Variants in CENPU observed in about 807,000 individuals in gnomAD.
CENPU encodes centromere protein U, also known as KSHV latent nuclear antigen interacting protein 1.
CENPU carries 46 observed loss-of-function variants against 56.7 expected under a neutral mutation model. That is an observed-to-expected ratio of 0.81 (90% CI 0.64 to 1.04). CENPU has a LOEUF of 1.04. Among genes scored for constraint, CENPU ranks in the 50% least tolerant of loss-of-function variants. The probability of loss-of-function intolerance (pLI) is 0.00; values close to 1 mark genes in which losing one functional copy is unlikely to be tolerated. For missense variants in CENPU, 510 were observed against 490.1 expected (o/e 1.04, Z -0.38); for synonymous variants, 166 against 163.0 (o/e 1.02, Z -0.14).
chr4:184,727,191 A>G (rs1761486903), intron 3 of CENPU, among the ~76,000 whole-genome samples: 1 of 152,180 alleles, frequency 6.6e-6, no homozygotes, highest in Non-Finnish European at 1.5e-5. Context: ...TAAATGAAAT[A>G]AGCCAGTTAC....
chr4:184,715,945 T>G (rs1183114932), intron 6 of CENPU, among the ~76,000 whole-genome samples: 1 of 151,872 alleles, frequency 6.6e-6, no homozygotes, highest in Non-Finnish European at 1.5e-5. Context: ...TTGTTTTTTT[T>G]TTTTTAAGAC....
At chr4:184,702,229 T>C (rs1482680921) in intron 9 of CENPU, 93 bp from the exon 10 acceptor site, 3 of 1,256,288 alleles carry the variant, frequency 2.4e-6, no homozygotes, top group African/African-American at 1.5e-5. Flanking sequence ...AAAACAGTTA[T>C]GTGGAATATG....
chr4:184,696,845 C>T (rs28416641), intron 12 of CENPU, among the ~76,000 whole-genome samples: 26,952 of 151,184 alleles, frequency 0.18, 2,707 homozygotes, highest in African/African-American at 0.26. Flanking sequence ...AAACAATAAA[C>T]TTGTTTTCCC....
chr4:184,702,357 G>T lies in CENPU; in HGVS notation c.876+6C>A. 6.2e-7 allele frequency: 1 copy of T among 1,610,790 alleles called. No homozygotes were observed. The highest frequency in any genetic ancestry group is 1.1e-5 in the South Asian group (1 of 90,146). On this transcript the variant is annotated splice_donor_region_variant and intron_variant, in intron 9 of 12. Coordinates refer to ENST00000281453, the MANE Select transcript of CENPU (RefSeq NM_024629.4). ...TAGACCAACAAATGCATGTCCGTGAGCTTACCATTTTGATGAATTGTTCTT... is the reference window on the plus strand; with the variant it reads ...TAGACCAACAAATGCATGTCCGTGATCTTACCATTTTGATGAATTGTTCTT...
intron 11 of CENPU, among the ~76,000 whole-genome samples, chr4:184,698,635 A>G (rs1427540151): frequency 6.6e-6 from 1 of 152,156 alleles, no homozygotes; most frequent in Non-Finnish European, 1.5e-5. Context: ...TTTTTAGTAG[A>G]GACGGGGTTT....
At chr4:184,703,864 A>G (rs954646008) in intron 8 of CENPU, among the ~76,000 whole-genome samples, 1 of 152,242 alleles carries the variant, frequency 6.6e-6, no homozygotes, top group Non-Finnish European at 1.5e-5. Context: ...TGGTAGACCC[A>G]TAAGACAATA....
intron 4 of CENPU, among the ~76,000 whole-genome samples, chr4:184,722,674 A>C (rs1164433398): frequency 6.6e-6 from 1 of 151,902 alleles, no homozygotes; most frequent in Non-Finnish European, 1.5e-5. Context: ...TTTTGTCAAA[A>C]GAGAGATGAA....
chr4:184,730,193 G>C (rs559648536), intron 2 of CENPU, among the ~76,000 whole-genome samples: 27 of 152,318 alleles, frequency 1.8e-4, no homozygotes, highest in African/African-American at 6.5e-4. Context: ...ACTGTACTTT[G>C]GCTACCAATG....
chr4:184,707,959 A>T (rs1183101537), intron 8 of CENPU, among the ~76,000 whole-genome samples: 1 of 152,182 alleles, frequency 6.6e-6, no homozygotes, highest in Admixed American at 6.5e-5. Context: ...GCGGTGGCTC[A>T]CACCTGAAAT....
At chr4:184,718,971 C>T (rs1350996588) in intron 4 of CENPU, among the ~76,000 whole-genome samples, 1 of 152,100 alleles carries the variant, frequency 6.6e-6, no homozygotes, top group Non-Finnish European at 1.5e-5. Context: ...AACGGTGGCA[C>T]ACAGGTAGTT....
intron 11 of CENPU, among the ~76,000 whole-genome samples, chr4:184,699,346 A>T (rs1224382340): frequency 6.7e-6 from 1 of 149,722 alleles, no homozygotes; most frequent in Admixed American, 6.7e-5. Context: ...AAATAAATAA[A>T]TAAATAAATA....
intron 11 of CENPU, 86 bp from the exon 12 acceptor site, chr4:184,697,889 A>C: frequency 1.9e-6 from 2 of 1,042,942 alleles, no homozygotes; most frequent in Non-Finnish European, 2.7e-6. Flanking sequence ...GCGAGTGTGA[A>C]GAACCGGGGC....
At chr4:184,708,634 A>G (rs1192592970) in intron 8 of CENPU, among the ~76,000 whole-genome samples, 1 of 152,186 alleles carries the variant, frequency 6.6e-6, no homozygotes, top group Non-Finnish European at 1.5e-5. Flanking sequence ...CACTTGATGT[A>G]AAAGAATACA....
Position 184,730,903 on chromosome 4 carries a change from A to G in CENPU, c.96+17T>C. On this transcript the variant is annotated intron_variant, in intron 2 of 12. Coordinates refer to ENST00000281453, the MANE Select transcript of CENPU (RefSeq NM_024629.4). ...CTGTCAATTTTGAGAAAACCACAAC[A>G]CAAAAAGGTAACTTACATCTTTCAT... 1 of 1,575,278 alleles carries G rather than the reference A, an allele frequency of 6.3e-7. No individual in the cohort carries two copies. The highest frequency in any genetic ancestry group is 1.4e-5 in the African/African-American group (1 of 72,438).
chr4:184,729,152 G>T, intron 2 of CENPU, 117 bp from the exon 3 acceptor site: 2 of 758,298 alleles, frequency 2.6e-6, no homozygotes, highest in South Asian at 3.4e-5. Flanking sequence ...CCTTATGCAT[G>T]GGGTGATGGA....
chr4:184,727,987 G>C lies in CENPU; in HGVS notation c.214+931C>G, dbSNP rs553366302. 3.9e-4 allele frequency among the ~76,000 whole-genome samples: 60 copies of C among 152,296 alleles called. No homozygotes were observed. The South Asian group carries it at 8.3e-3, about 21-fold the overall frequency. Reference sequence around the variant, plus strand: ...ATGGCTGCCAGGGGCTTGAAGGAAGGGGGAAGAGGGAGTGACCACTCATGG... The same window carrying C: ...ATGGCTGCCAGGGGCTTGAAGGAAGCGGGAAGAGGGAGTGACCACTCATGG... On this transcript the variant is annotated intron_variant, in intron 3 of 12. Coordinates refer to ENST00000281453, the MANE Select transcript of CENPU (RefSeq NM_024629.4).
At chr4:184,705,346 A>G (rs1267149582) in intron 8 of CENPU, among the ~76,000 whole-genome samples, 1 of 152,222 alleles carries the variant, frequency 6.6e-6, no homozygotes, top group East Asian at 1.9e-4. Flanking sequence ...AGTTTCATTT[A>G]TATAACATTC....
chr4:184,717,238 T>C (rs747264018), intron 4 of CENPU, 42 bp from the exon 5 acceptor site: 4 of 1,420,278 alleles, frequency 2.8e-6, no homozygotes, highest in Non-Finnish European at 2.0e-6. Context: ...ACACATTCCA[T>C]TTATATTCAC....
At chr4:184,709,024 TAAA>T (rs780348009) in intron 8 of CENPU, among the ~76,000 whole-genome samples, 12 of 127,830 alleles carry the variant, frequency 9.4e-5, no homozygotes, top group Non-Finnish European at 1.7e-4. Flanking sequence ...ATAAAAAAGT[TAAA>T]GAAGTAACAA....
Sources: gnomAD v4.1 joint callset for allele counts (sites outside exome capture counted in the v4.1 genomes callset) on GRCh38, gnomAD v4.1.1 for gene constraint, MANE v1.5 for transcripts, NCBI Gene and HGNC (gene_info 2026-07-23, HGNC 2026-07-21) for gene names.